The following ART3 variants were observed in gnomAD, a reference collection of about 807,000 sequenced individuals.
ART3 encodes ADP-ribosyltransferase 3 (inactive), also known as ecto-ADP-ribosyltransferase 3.
In ART3, 49 loss-of-function variants were observed where a neutral mutation model predicts 48.5. That is an observed-to-expected ratio of 1.01 (90% CI 0.80 to 1.28). The LOEUF (loss-of-function observed/expected upper bound fraction) is 1.28, where lower values mean the gene tolerates loss of function less well. ART3 is among the 50% of genes most tolerant of loss of function. The pLI is 0.00. For synonymous variants in ART3, 145 were observed against 157.2 expected (o/e 0.92, Z 0.58); for missense variants, 438 against 454.3 (o/e 0.96, Z 0.33).
In ART3 at chr4:76,082,014, C is replaced by T; in HGVS notation, c.260C>T (p.Pro87Leu). The T allele has an allele frequency of 1.2e-6, 2 of 1,614,184 alleles. No individual in the cohort carries two copies. Among genetic ancestry groups the T allele is most frequent in the Non-Finnish European group, 1.7e-6 (2 of 1,180,024 alleles). ...WAARKTQIFL[P>L]MNFKDNHGIA... ...GCCCGAAAGACTCAAATCTTTCTCC[C>T]TATGAATTTTAAGGATAACCATGGA... Residue 87 changes from proline to leucine, a missense_variant, in exon 3 of 12, where the codon CCT becomes CTT. Pro to Leu is a moderately conservative substitution (Grantham distance 98). Coordinates refer to ENST00000355810, the MANE Select transcript of ART3 (RefSeq NM_001130016.3).
intron 1 of ART3, among the ~76,000 whole-genome samples, chr4:76,054,052 C>T (rs1210612185): frequency 2.0e-5 from 3 of 152,180 alleles, no homozygotes; most frequent in African/African-American, 7.2e-5. Flanking sequence ...ACTTTACAAG[C>T]GACTAACTGA....
At chr4:76,048,054 T>C (rs1203485484) in intron 1 of ART3, among the ~76,000 whole-genome samples, 3 of 151,804 alleles carry the variant, frequency 2.0e-5, no homozygotes, top group Non-Finnish European at 4.4e-5. Context: ...TTTATGGTCG[T>C]TTGGAGATTT....
intron 2 of ART3, among the ~76,000 whole-genome samples, chr4:76,079,829 A>C (rs949849873): frequency 1.3e-5 from 2 of 151,998 alleles, no homozygotes; most frequent in Non-Finnish European, 2.9e-5. Context: ...CTAGAGCAGG[A>C]TATGGAAGCA....
chr4:76,105,313 G>A (rs1470435674), intron 10 of ART3, among the ~76,000 whole-genome samples: 2 of 152,198 alleles, frequency 1.3e-5, no homozygotes, highest in African/African-American at 4.8e-5. Context: ...GCTTCAGGAA[G>A]TCTCTGCCAC....
chr4:76,065,208 C>G (rs1408544370), intron 1 of ART3, among the ~76,000 whole-genome samples: 1 of 152,100 alleles, frequency 6.6e-6, no homozygotes, highest in Non-Finnish European at 1.5e-5. Flanking sequence ...CCACAAAGTT[C>G]AAAAACAAAC....
chr4:76,025,756 G>A (rs567700777), intron 1 of ART3, among the ~76,000 whole-genome samples: 52 of 152,242 alleles, frequency 3.4e-4, no homozygotes, highest in Non-Finnish European at 6.0e-4. Context: ...TTATTGATGG[G>A]TAGTAATCCA....
intron 10 of ART3, chr4:76,105,773 C>T (rs1178199237): frequency 2.0e-6 from 2 of 985,284 alleles, no homozygotes; most frequent in African/African-American, 1.7e-5. Flanking sequence ...TCAAAAAAGG[C>T]ACTTGATCTT....
intron 2 of ART3, 132 bp downstream of exon 2, chr4:76,076,090 C>A: frequency 1.4e-6 from 1 of 733,840 alleles, no homozygotes; most frequent in Non-Finnish European, 2.3e-6. Flanking sequence ...CTGCAAGCTC[C>A]GCCTCCCAGG....
intron 1 of ART3, among the ~76,000 whole-genome samples, chr4:76,064,685 G>T (rs1719542718): frequency 6.6e-6 from 1 of 152,150 alleles, no homozygotes; most frequent in Non-Finnish European, 1.5e-5. Context: ...CAGAAAGGAG[G>T]TGAAGGGAAG....
intron 3 of ART3, among the ~76,000 whole-genome samples, chr4:76,089,080 C>T (rs1724249539): frequency 6.6e-6 from 1 of 152,076 alleles, no homozygotes; most frequent in African/African-American, 2.4e-5. Context: ...ATAGCACATA[C>T]TTTTTAAAAG....
chr4:76,018,169 A>G (rs1732433753), intron 1 of ART3, among the ~76,000 whole-genome samples: 1 of 152,206 alleles, frequency 6.6e-6, no homozygotes, highest in South Asian at 2.1e-4. Context: ...AGCCCTATTC[A>G]CTATAGCAAA....
In ART3 at chr4:76,081,968, A is replaced by G. The variant is rs775339690; in HGVS notation, c.214A>G (p.Asn72Asp). The change falls in exon 3 of 12, where the codon AAT becomes GAT. Residue 72 changes from asparagine (N) to aspartate (D), a missense_variant. Physicochemically the swap from Asn to Asp is conservative, Grantham distance 23. Coordinates refer to ENST00000355810, the MANE Select transcript of ART3 (RefSeq NM_001130016.3). ...CCAGCAATTAGATACTGTGTGGGAAAATGCAAAAGCCAAATGGGCAGCCCG... is the reference window on the plus strand; with the variant it reads ...CCAGCAATTAGATACTGTGTGGGAAGATGCAAAAGCCAAATGGGCAGCCCG... ...SHQQLDTVWE[N>D]AKAKWAARKT... is the part of the protein sequence containing the mutation. 14 of 1,614,072 alleles carry G rather than the reference A, an allele frequency of 8.7e-6. No individual in the cohort carries two copies. In the African/African-American group the frequency reaches 1.3e-4, roughly 15 times the overall value.
intron 3 of ART3, among the ~76,000 whole-genome samples, chr4:76,082,736 T>A (rs184608077): frequency 7.9e-5 from 12 of 152,244 alleles, no homozygotes; most frequent in Admixed American, 5.9e-4. Context: ...TTAAAAAAAA[T>A]TAGCACTATA....
chr4:76,054,656 AC>A (rs11349732), intron 1 of ART3, among the ~76,000 whole-genome samples: 88,967 of 151,782 alleles, frequency 0.59, 26,923 homozygotes, highest in East Asian at 0.94. Flanking sequence ...ACATAGTGAG[AC>A]CCCCATCTCT....
intron 3 of ART3, among the ~76,000 whole-genome samples, chr4:76,087,962 T>G (rs1482872127): frequency 6.6e-6 from 1 of 152,156 alleles, no homozygotes; most frequent in Non-Finnish European, 1.5e-5. Context: ...GGTGCAGTGG[T>G]GTGTGCCTGT....
Position 76,014,082 on chromosome 4 carries a change from C to G in ART3, c.-10+2762C>G, listed in dbSNP as rs183707347. Among the ~76,000 whole-genome samples the G allele has an allele frequency of 1.3e-3, 198 of 152,134 alleles. 3 individuals carry two copies. The highest frequency in any genetic ancestry group is 4.4e-3 in the African/African-American group (183 of 41,520). On this transcript the variant is annotated intron_variant, in intron 1 of 9. Transcript: ENST00000341029. ...CATAATTAAAAAAAAGAAAACACAA[C>G]TTAGGGGCTGAATTGTGTTCCCCCA...
chr4:76,050,593 C>T (rs1050370597), intron 1 of ART3, among the ~76,000 whole-genome samples: 5 of 152,236 alleles, frequency 3.3e-5, no homozygotes, highest in Non-Finnish European at 4.4e-5. Context: ...GCTGGCTTCA[C>T]GCAGTGGATC....
chr4:76,045,825 C>A (rs2149439783), intron 1 of ART3, among the ~76,000 whole-genome samples: 1 of 152,086 alleles, frequency 6.6e-6, no homozygotes. Context: ...CAGCAAAAGC[C>A]AGTAATTCCA....
At chr4:76,065,600 A>G (rs1332601402) in intron 1 of ART3, among the ~76,000 whole-genome samples, 1 of 147,494 alleles carries the variant, frequency 6.8e-6, no homozygotes, top group African/African-American at 2.6e-5. Context: ...ATTACCATAG[A>G]GACTCCTTGT....
Sources: allele counts gnomAD v4.1 joint callset (sites outside exome capture counted in the v4.1 genomes callset), GRCh38; gene constraint gnomAD v4.1.1; transcripts MANE v1.5; gene names NCBI Gene and HGNC (gene_info 2026-07-23, HGNC 2026-07-21).